Variants in WWC2 observed in about 807,000 individuals in gnomAD.
WWC2 encodes the protein WW and C2 domain containing 2, also known as protein WWC2.
Under a neutral mutation model 138.5 loss-of-function variants are expected in WWC2, and 101 were observed. That is an observed-to-expected ratio of 0.73 (90% confidence interval 0.62 to 0.86). The LOEUF (loss-of-function observed/expected upper bound fraction) is 0.86, where lower values mean the gene tolerates loss of function less well. Ranked by LOEUF, WWC2 falls within the 40% of genes least tolerant of loss-of-function variation. The pLI, the probability that WWC2 is intolerant of heterozygous loss-of-function variation, is 0.00. For synonymous variants in WWC2, 558 were observed against 538.4 expected (o/e 1.04, Z -0.50); for missense variants, 1,420 against 1,419.4 (o/e 1.00, Z -0.01).
At chr4:183,176,350 T>TA (rs1362965754) in intron 1 of WWC2, among the ~76,000 whole-genome samples, 1 of 152,148 alleles carries the variant, frequency 6.6e-6, no homozygotes, top group Non-Finnish European at 1.5e-5. Flanking sequence ...CCCCGGAGCT[T>TA]AAAAAAATCT....
At chr4:183,181,180 C>T (rs536636686) in intron 1 of WWC2, among the ~76,000 whole-genome samples, 33 of 152,278 alleles carry the variant, frequency 2.2e-4, no homozygotes, top group African/African-American at 7.5e-4. Context: ...GTTTTGGGAG[C>T]ATCTGCTTAA....
chr4:183,182,451 C>T (rs569739080), intron 1 of WWC2, among the ~76,000 whole-genome samples: 8 of 152,332 alleles, frequency 5.3e-5, no homozygotes, highest in Non-Finnish European at 8.8e-5. Context: ...CTCTCAAACA[C>T]TCATACCTTC....
chr4:183,311,102 T>TATACCACC (rs890338604), intron 21 of WWC2, among the ~76,000 whole-genome samples: 1 of 152,190 alleles, frequency 6.6e-6, no homozygotes, highest in African/African-American at 2.4e-5. Context: ...TTCACCAACT[T>TATACCACC]ATACCACCTT....
chr4:183,200,175 G>A (rs1462779145), intron 2 of WWC2, among the ~76,000 whole-genome samples: 5 of 152,154 alleles, frequency 3.3e-5, no homozygotes, highest in Admixed American at 3.3e-4. Flanking sequence ...ACCTATCCAA[G>A]ACAAATGCTG....
intron 1 of WWC2, among the ~76,000 whole-genome samples, chr4:183,102,118 T>C (rs1323714771): frequency 6.6e-6 from 1 of 152,244 alleles, no homozygotes; most frequent in Non-Finnish European, 1.5e-5. Context: ...ATTCAAACTT[T>C]GCTGGGATGT....
chr4:183,213,645 C>T (rs1334544772), intron 4 of WWC2, among the ~76,000 whole-genome samples: 5 of 152,006 alleles, frequency 3.3e-5, no homozygotes, highest in Non-Finnish European at 5.9e-5. Flanking sequence ...GGCTTGTTTC[C>T]TCTTTGGTCA....
At chr4:183,230,361 A>G (rs1736206148) in intron 4 of WWC2, among the ~76,000 whole-genome samples, 1 of 150,904 alleles carries the variant, frequency 6.6e-6, no homozygotes, top group Non-Finnish European at 1.5e-5. Flanking sequence ...AAGCCAGTAG[A>G]AGAAGATAAA....
At chr4:183,187,603 G>C (rs1183458661) in intron 1 of WWC2, among the ~76,000 whole-genome samples, 6 of 126,338 alleles carry the variant, frequency 4.7e-5, no homozygotes, top group Non-Finnish European at 1.0e-4. Flanking sequence ...TGGTGCGGTG[G>C]CTCACACCTG....
At chr4:183,149,079 A>G (rs911628966) in intron 1 of WWC2, among the ~76,000 whole-genome samples, 3 of 152,000 alleles carry the variant, frequency 2.0e-5, no homozygotes, top group African/African-American at 7.2e-5. Flanking sequence ...TTTTATTGTA[A>G]AAAATAAAAC....
intron 1 of WWC2, among the ~76,000 whole-genome samples, chr4:183,160,455 G>A (rs1256132675): frequency 6.6e-6 from 1 of 152,212 alleles, no homozygotes; most frequent in Non-Finnish European, 1.5e-5. Flanking sequence ...CCTGCATGAA[G>A]CAGTGGTATG....
intron 22 of WWC2, 54 bp from the exon 23 acceptor site, chr4:183,315,609 C>G: frequency 1.4e-6 from 2 of 1,456,074 alleles, no homozygotes; most frequent in Non-Finnish European, 1.9e-6. Flanking sequence ...TTAATGGTCC[C>G]AGAGTATTTT....
In WWC2 at chr4:183,280,720, T is replaced by C. The variant is rs538001358; in HGVS notation, c.2563-56T>C. ...GTGTAAATTCCCATCTGCTGAGTTT[T>C]TAAGTCATTTTTTCAAGTATATTAT... On this transcript the variant is annotated intron_variant, in intron 16 of 22. Coordinates refer to ENST00000403733, the MANE Select transcript of WWC2 (RefSeq NM_024949.6). The C allele has an allele frequency of 2.0e-6, 3 of 1,535,216 alleles. No individual in the cohort carries two copies. The South Asian group carries it at 3.7e-5, about 19-fold the overall frequency.
intron 21 of WWC2, among the ~76,000 whole-genome samples, chr4:183,297,470 C>T (rs1323822378): frequency 1.3e-5 from 2 of 150,520 alleles, no homozygotes; most frequent in African/African-American, 4.9e-5. Context: ...AGTGCAATGG[C>T]ACAATCTTAG....
chr4:183,124,176 T>G (rs1368006290), intron 1 of WWC2, among the ~76,000 whole-genome samples: 1 of 152,210 alleles, frequency 6.6e-6, no homozygotes, highest in Non-Finnish European at 1.5e-5. Context: ...GATAATTGTT[T>G]GGGTATCTAT....
intron 14 of WWC2, among the ~76,000 whole-genome samples, chr4:183,268,425 G>A (rs749945620): frequency 1.3e-4 from 20 of 152,206 alleles, no homozygotes; most frequent in Non-Finnish European, 2.6e-4. Flanking sequence ...GCTAGACAGT[G>A]ATATTTTTGA....
chr4:183,284,387 C>T lies in WWC2; in HGVS notation c.3045C>T (p.Cys1015=). 1 of 1,611,634 alleles carries T rather than the reference C, an allele frequency of 6.2e-7. No individual in the cohort carries two copies. Among genetic ancestry groups the T allele is most frequent in the Non-Finnish European group, 8.5e-7 (1 of 1,179,688 alleles). ...FSPGERNQYI[C]RLNRSDSDSS... is the part of the protein sequence containing the mutation. ...CAGGAGAGCGGAACCAGTACATCTG[C>T]AGGGTAAGGTGGCAGTGCTCGTGGT... The change falls in exon 19 of 23, where the codon TGC becomes TGT. Residue 1015 remains cysteine, a synonymous_variant. Transcript: ENST00000403733.
chr4:183,209,123 T>G, intron 4 of WWC2, 98 bp downstream of exon 4: 1 of 804,554 alleles, frequency 1.2e-6, no homozygotes, highest in Non-Finnish European at 2.0e-6. Flanking sequence ...CTCCATTTGG[T>G]GTAGAAAACT....
chr4:183,131,443 A>G (rs996524875), intron 1 of WWC2, among the ~76,000 whole-genome samples: 2 of 152,088 alleles, frequency 1.3e-5, no homozygotes, highest in African/African-American at 2.4e-5. Flanking sequence ...GAGGTTGAAT[A>G]TATTTTTGTA....
rs536726527 is a variant in WWC2 at position 183,129,562 on chromosome 4, T to C, written c.131+29940T>C. ...CTTATAACAAGCCATAATCCAATTC[T>C]TCAGTTGTTGAAGAATGTAAGGGCT... is the stretch of plus-strand genomic sequence containing the variant. On this transcript the variant is annotated intron_variant, in intron 1 of 22. Coordinates refer to ENST00000403733, the MANE Select transcript of WWC2 (RefSeq NM_024949.6). Among the ~76,000 whole-genome samples the C allele has an allele frequency of 1.6e-4, 24 of 152,354 alleles. No individual in the cohort carries two copies. In the East Asian group the frequency reaches 4.6e-3, roughly 29 times the overall value.
Sources: allele counts gnomAD v4.1 joint callset (sites outside exome capture counted in the v4.1 genomes callset), GRCh38; gene constraint gnomAD v4.1.1; transcripts MANE v1.5; gene names NCBI Gene and HGNC (gene_info 2026-07-23, HGNC 2026-07-21).